The following MED13 variants were observed in gnomAD, a reference collection of about 807,000 sequenced individuals.
The protein encoded by MED13 is mediator complex subunit 13.
MED13 carries 23 observed loss-of-function variants against 225.2 expected under a neutral mutation model. That is an observed-to-expected ratio of 0.10 (90% CI 0.07 to 0.14). The LOEUF (loss-of-function observed/expected upper bound fraction) is 0.14, where lower values mean the gene tolerates loss of function less well. Ranked by LOEUF, MED13 falls within the 10% of genes least tolerant of loss-of-function variation. The pLI is 1.00. For missense variants in MED13, 2,197 were observed against 2,594.5 expected, an observed-to-expected ratio of 0.85 and a Z score of 3.33; for synonymous variants, 942 against 889.2, an observed-to-expected ratio of 1.06 and a Z score of -1.06.
At chr17:61,976,956 GA>G (rs891871905) in intron 16 of MED13, among the ~76,000 whole-genome samples, 1 of 151,916 alleles carries the variant, frequency 6.6e-6, no homozygotes, top group African/African-American at 2.4e-5. Flanking sequence ...AAAAAAAACA[GA>G]AAAAATACAT....
intron 8 of MED13, among the ~76,000 whole-genome samples, chr17:62,017,118 G>A (rs897335463): frequency 1.3e-5 from 2 of 150,922 alleles, no homozygotes; most frequent in Non-Finnish European, 2.9e-5. Context: ...AACACAGTAA[G>A]TGAATACGAA....
chr17:61,995,029 A>G, intron 10 of MED13, 123 bp downstream of exon 10: 4 of 790,202 alleles, frequency 5.1e-6, no homozygotes, highest in Non-Finnish European at 5.9e-6. Flanking sequence ...GTTTTTCTAA[A>G]TAAATGATTA....
intron 3 of MED13, 26 bp from the exon 4 acceptor site, chr17:62,035,634 T>C (rs746717458): frequency 2.5e-6 from 4 of 1,593,032 alleles, no homozygotes; most frequent in East Asian, 2.3e-5. Context: ...AAGTTTTATC[T>C]TAGTGATGAC....
At chr17:61,971,182 C>T (rs2080104951) in intron 17 of MED13, among the ~76,000 whole-genome samples, 1 of 150,648 alleles carries the variant, frequency 6.6e-6, no homozygotes, top group Non-Finnish European at 1.5e-5. Context: ...CAATGGAATA[C>T]ATATAGCCAT....
At chr17:62,057,351 T>A (rs1231462151) in intron 2 of MED13, among the ~76,000 whole-genome samples, 1 of 151,994 alleles carries the variant, frequency 6.6e-6, no homozygotes, top group African/African-American at 2.4e-5. Context: ...GAAAACTGAT[T>A]TAAAAACAGC....
At chr17:61,970,237 G>A (rs1312696585) in intron 17 of MED13, among the ~76,000 whole-genome samples, 2 of 152,122 alleles carry the variant, frequency 1.3e-5, no homozygotes, top group Non-Finnish European at 1.5e-5. Flanking sequence ...AGCAGAGTAG[G>A]AATTTAAACC....
In MED13 at chr17:62,017,075, A is replaced by G. The variant is rs537017875; in HGVS notation, c.1284-5842T>C. On this transcript the variant is annotated intron_variant, in intron 8 of 29. Transcript: ENST00000397786. ...AAAGTAAATTAAACAAATTTTAAAG[A>G]TCTTCAGCAAGAGAAAAGGTCTAGT... Among the ~76,000 whole-genome samples, 3 of 151,348 alleles carry G rather than the reference A, an allele frequency of 2.0e-5. No homozygotes were observed. The South Asian group carries it at 6.2e-4, about 31-fold the overall frequency.
At chr17:61,959,857 T>C (rs1603391688) in intron 23 of MED13, among the ~76,000 whole-genome samples, 1 of 151,366 alleles carries the variant, frequency 6.6e-6, no homozygotes, top group African/African-American at 2.4e-5. Context: ...GTCTCCCGAG[T>C]AGCTGTGACT....
Position 62,021,996 on chromosome 17 carries a change from A to T in MED13, c.1283+7545T>A, listed in dbSNP as rs541083232. On this transcript the variant is annotated intron_variant, in intron 8 of 29. Coordinates refer to ENST00000397786, the MANE Select transcript of MED13 (RefSeq NM_005121.3). ...AGCCTGACCAACATGGTAAAACCCC[A>T]TCTCTACTAAAAATACAACAATTAA... 6.8e-4 allele frequency among the ~76,000 whole-genome samples: 103 copies of T among 151,964 alleles called. 1 individual carries two copies. The highest frequency in any genetic ancestry group is 2.3e-3 in the African/African-American group (96 of 41,448).
chr17:62,065,172 G>C lies in MED13; in HGVS notation c.34C>G (p.Leu12Val). ...AAGAGGTTACAGTGACAATCTTCCAGGCTGGCCCCGTTCGGCACGAAGGAG... is the reference window on the plus strand; with the variant it reads ...AAGAGGTTACAGTGACAATCTTCCACGCTGGCCCCGTTCGGCACGAAGGAG... Reference protein sequence around the residue: ...SASFVPNGASLEDCHCNLFCL... With the variant: ...SASFVPNGASVEDCHCNLFCL... The change falls in exon 1 of 30, where the codon CTG becomes GTG. Residue 12 changes from leucine to valine, a missense_variant. Physicochemically the swap from Leu to Val is conservative, Grantham distance 32 (BLOSUM62 1). Transcript: ENST00000397786. 6.3e-7 allele frequency: 1 copy of C among 1,581,416 alleles called. No homozygotes were observed. Among genetic ancestry groups the C allele is most frequent in the Non-Finnish European group, 8.6e-7 (1 of 1,165,516 alleles).
At chr17:62,040,924 T>A (rs934488973) in intron 3 of MED13, among the ~76,000 whole-genome samples, 2 of 152,138 alleles carry the variant, frequency 1.3e-5, no homozygotes, top group Admixed American at 1.3e-4. Flanking sequence ...CTCCTCTGCA[T>A]TGCCTTTGGG....
At chr17:62,063,660 T>C (rs1439917612) in intron 1 of MED13, among the ~76,000 whole-genome samples, 4 of 152,210 alleles carry the variant, frequency 2.6e-5, no homozygotes, top group African/African-American at 9.6e-5. Flanking sequence ...AACTTTTAAC[T>C]GAAAATCAAT....
chr17:62,019,015 C>T (rs1346137710), intron 8 of MED13, among the ~76,000 whole-genome samples: 1 of 152,144 alleles, frequency 6.6e-6, no homozygotes, highest in African/African-American at 2.4e-5. Context: ...ACATTCCAAC[C>T]AACCCTTAAG....
chr17:61,966,551 A>C lies in MED13; in HGVS notation c.4292T>G (p.Val1431Gly), dbSNP rs2080059996. 1 of 1,613,980 alleles carries C rather than the reference A, an allele frequency of 6.2e-7. No homozygotes were observed. Among genetic ancestry groups the C allele is most frequent in the African/African-American group, 1.3e-5 (1 of 75,048 alleles). ...TASKKLSEKLVAEWFSQAADG... is the reference protein window; with the variant it reads ...TASKKLSEKLGAEWFSQAADG... The stretch of plus-strand genomic sequence containing the variant: ...AGCTGCCTGAGAAAACCATTCTGCT[A>C]CCAACTTTTCTGATAGTTTCTTTGA... The change falls in exon 19 of 30, where the codon GTA becomes GGA. Residue 1431 changes from valine to glycine, a missense_variant. Physicochemically the swap from Val to Gly is moderately radical, Grantham distance 109 (BLOSUM62 -3). Transcript: ENST00000397786.
At position 61,995,385 on chromosome 17, in the gene MED13, A is replaced by C. The variant is rs1329721884; in HGVS notation, c.1968-20T>G. ...ATTAACCTGCATAAAAAAATTAAAA[A>C]AAATTAATTATCCACATAAGCATTA... On this transcript the variant is annotated intron_variant, in intron 9 of 29. Transcript: ENST00000397786. The C allele has an allele frequency of 1.5e-5, 23 of 1,539,572 alleles. No individual in the cohort carries two copies. The highest frequency in any genetic ancestry group is 1.9e-5 in the Non-Finnish European group (22 of 1,142,478).
intron 2 of MED13, among the ~76,000 whole-genome samples, chr17:62,058,520 CAAAAAAAAAAAAA>C (rs751957495): frequency 1.9e-5 from 1 of 53,456 alleles, no homozygotes; most frequent in African/African-American, 7.7e-5. Flanking sequence ...GACTTCATCT[CAAAAAAAAAAAAA>C]AAAAAAAAAG....
intron 8 of MED13, among the ~76,000 whole-genome samples, chr17:62,015,963 T>A (rs1258543514): frequency 0.11 from 3,420 of 30,766 alleles, 397 homozygotes; most frequent in East Asian, 0.5. Context: ...TATTTTTTTT[T>A]TTTTTTTTTT....
Position 61,985,108 on chromosome 17 carries a change from A to G in MED13, c.2386-18T>C. Reference sequence around the variant, plus strand: ...GATCCAGGCTATTTAAAAAAAGCACATATTTATCTAAAATTTTACATCCAA... The same window carrying G: ...GATCCAGGCTATTTAAAAAAAGCACGTATTTATCTAAAATTTTACATCCAA... On this transcript the variant is annotated intron_variant, in intron 12 of 29. Coordinates refer to ENST00000397786, the MANE Select transcript of MED13 (RefSeq NM_005121.3). 6.3e-7 allele frequency: 1 copy of G among 1,597,846 alleles called. No homozygotes were observed. The highest frequency in any genetic ancestry group is 8.6e-7 in the Non-Finnish European group (1 of 1,168,524).
Position 62,065,156 on chromosome 17 carries a change from C to T in MED13, c.50G>A (p.Cys17Tyr). ...GGCACTCACCAGGCAGAAGAGGTTA[C>T]AGTGACAATCTTCCAGGCTGGCCCC... The part of the protein sequence containing the change: ...PNGASLEDCH[C>Y]NLFCLADLTG... The change falls in exon 1 of 30, where the codon TGT becomes TAT. Residue 17 changes from cysteine (C) to tyrosine (Y), a missense_variant. Transcript: ENST00000397786. The T allele has an allele frequency of 6.3e-7, 1 of 1,581,096 alleles. No individual in the cohort carries two copies.
Sources: gnomAD v4.1 joint callset for allele counts (sites outside exome capture counted in the v4.1 genomes callset) on GRCh38, gnomAD v4.1.1 for gene constraint, MANE v1.5 for transcripts, NCBI Gene and HGNC (gene_info 2026-07-23, HGNC 2026-07-21) for gene names.